ITPKC: variants seen among roughly 807,000 people sequenced by gnomAD.
ITPKC encodes the protein IP3 3-kinase C.
ITPKC carries 33 observed loss-of-function variants against 67.1 expected under a neutral mutation model. The observed-to-expected ratio is 0.49, with a 90% CI of 0.37 to 0.66. The LOEUF is 0.66. Among genes scored for constraint, ITPKC ranks in the 30% least tolerant of loss-of-function variants. The probability of loss-of-function intolerance (pLI) is 0.00; values close to 1 mark genes in which losing one functional copy is unlikely to be tolerated. For synonymous variants in ITPKC, 341 were observed against 359.8 expected (o/e 0.95, Z 0.59); for missense variants, 820 against 892.1 (o/e 0.92, Z 1.03).
chr19:40,737,145 T>C (rs1333662663), intron 5 of ITPKC, 58 bp downstream of exon 5: 2 of 1,153,234 alleles, frequency 1.7e-6, no homozygotes, highest in Non-Finnish European at 2.5e-6. Context: ...CCATTTATTC[T>C]TGCTCCAGAG....
chr19:40,718,326 C>T (rs774678432), intron 1 of ITPKC, 36 bp downstream of exon 1: 2 of 1,489,592 alleles, frequency 1.3e-6, no homozygotes, highest in Admixed American at 2.3e-5. Flanking sequence ...AGCCACATCA[C>T]GCAAAACTCC....
chr19:40,735,927 C>G, intron 4 of ITPKC, among the ~76,000 whole-genome samples: 1 of 152,238 alleles, frequency 6.6e-6, no homozygotes, highest in East Asian at 1.9e-4. Context: ...GACACCAACA[C>G]AATTCCCGTT....
In ITPKC at chr19:40,717,708, G is replaced by A; in HGVS notation, c.573G>A (p.Trp191Ter). Residue 191 changes from tryptophan (W) to a stop codon, truncating the protein, a stop_gained, in exon 1 of 7, where the codon TGG becomes TGA. Transcript: ENST00000263370. LOFTEE classifies it high-confidence loss of function. ...CTCAGCCAGAGAGGGTCAAGTCCTGGGCTGATAACCTCTGGACCCACCAGA... is the reference window on the plus strand; with the variant it reads ...CTCAGCCAGAGAGGGTCAAGTCCTGAGCTGATAACCTCTGGACCCACCAGA... Reference protein sequence around the residue: ...SQTQPERVKSWADNLWTHQNS... With the variant: ...SQTQPERVKS The A allele has an allele frequency of 6.2e-7, 1 of 1,614,038 alleles. No homozygotes were observed.
In ITPKC at chr19:40,718,236, G is replaced by A. The variant is rs1344344884; in HGVS notation, c.1101G>A (p.Glu367=). 1 of 1,529,964 alleles carries A rather than the reference G, an allele frequency of 6.5e-7. No homozygotes were observed. Among genetic ancestry groups the A allele is most frequent in the African/African-American group, 1.4e-5 (1 of 72,488 alleles). 94.8% of individuals were successfully genotyped at this position (1,529,964 alleles called of 1,614,324 possible). Residue 367 remains glutamate, a synonymous_variant, in exon 1 of 7, where the codon GAG becomes GAA. Coordinates refer to ENST00000263370, the MANE Select transcript of ITPKC (RefSeq NM_025194.3). ...FSSASSFDES[E]DDVVAGGGGA... ...CTGCCTCTTCTTTCGACGAGTCTGAGGATGACGTGGTGGCCGGGGGCGGAG... is the reference window on the plus strand; with the variant it reads ...CTGCCTCTTCTTTCGACGAGTCTGAAGATGACGTGGTGGCCGGGGGCGGAG...
At chr19:40,736,572 A>G (rs1265225861) in intron 4 of ITPKC, among the ~76,000 whole-genome samples, 2 of 152,000 alleles carry the variant, frequency 1.3e-5, no homozygotes, top group African/African-American at 2.4e-5. Context: ...GGTGCAATCA[A>G]TGCTCACTGC....
At chr19:40,720,450 A>G (rs2082216563) in intron 1 of ITPKC, among the ~76,000 whole-genome samples, 1 of 152,128 alleles carries the variant, frequency 6.6e-6, no homozygotes, top group South Asian at 2.1e-4. Context: ...GGCCACGTCA[A>G]GTCAGAGCCA....
intron 6 of ITPKC, 26 bp from the exon 7 acceptor site, chr19:40,739,331 T>G: frequency 6.3e-7 from 1 of 1,598,186 alleles, no homozygotes; most frequent in Non-Finnish European, 8.6e-7. Context: ...TGCTCCTCCC[T>G]TAACCTCCCG....
At chr19:40,734,416 CGA>C (rs2082285381) in intron 4 of ITPKC, among the ~76,000 whole-genome samples, 1 of 151,858 alleles carries the variant, frequency 6.6e-6, no homozygotes, top group African/African-American at 2.4e-5. Context: ...GGGAAATTTG[CGA>C]GAGATGACCA....
intron 1 of ITPKC, among the ~76,000 whole-genome samples, chr19:40,720,403 G>A (rs1050203651): frequency 6.6e-6 from 1 of 151,902 alleles, no homozygotes; most frequent in Admixed American, 6.6e-5. Context: ...TGGGGAAGCT[G>A]AGGCATAGAG....
chr19:40,737,193 C>CT lies in ITPKC; in HGVS notation c.1776+107dup, dbSNP rs1368680617. On this transcript the variant is annotated intron_variant, in intron 5 of 6. Transcript: ENST00000263370. ...TGCTTTGGGTGGGGCTGGACTGATA[C>CT]TGGCTGGCTTTGCTCAGTCTGAGGT... 2.5e-5 allele frequency: 20 copies of CT among 802,820 alleles called. No individual in the cohort carries two copies. The Admixed American group carries it at 4.2e-4, about 17-fold the overall frequency. The allele number at this position is 802,820 out of a possible 1,614,324, so 49.7% of individuals were successfully genotyped here.
In ITPKC at chr19:40,717,901, G is replaced by A. The variant is rs1185290187; in HGVS notation, c.766G>A (p.Glu256Lys). The change falls in exon 1 of 7, where the codon GAA (glutamate) becomes AAA (lysine). Residue 256 changes from glutamate to lysine, a missense_variant. Glu to Lys is a moderately conservative substitution (Grantham distance 56, BLOSUM62 1). Around this residue, in one of 2 missense-constraint regions of ITPKC, gnomAD observed 481 missense variants for 470.1 expected, o/e 1.02. Transcript: ENST00000263370. ...TGGCTCCCAGAAAAAACAGGATACT[G>A]AAGCAGCCAGGAAACAGCCTGGCAC... Reference protein sequence around the residue: ...TDGSQKKQDTEAARKQPGTGG... With the variant: ...TDGSQKKQDTKAARKQPGTGG... 2 of 1,614,156 alleles carry A rather than the reference G, an allele frequency of 1.2e-6. No homozygotes were observed. The highest frequency in any genetic ancestry group is 1.7e-6 in the Non-Finnish European group (2 of 1,180,016).
In ITPKC at chr19:40,740,343, C is replaced by T. The variant is rs2144761957; in HGVS notation, c.*783C>T. ...CGGCCTCAGGACTTACACCTCCTGCCTGACCCCCAGGCTTCTCTCTCCTTT... is the reference window on the plus strand; with the variant it reads ...CGGCCTCAGGACTTACACCTCCTGCTTGACCCCCAGGCTTCTCTCTCCTTT... On this transcript the variant is annotated 3_prime_UTR_variant, in exon 7 of 7. Transcript: ENST00000263370. 1 of 155,570 alleles carries T rather than the reference C, an allele frequency of 6.4e-6. No homozygotes were observed. The highest frequency in any genetic ancestry group is 1.8e-4 in the East Asian group (1 of 5,420). 9.6% of individuals were successfully genotyped at this position (155,570 alleles called of 1,614,324 possible).
intron 1 of ITPKC, among the ~76,000 whole-genome samples, chr19:40,718,519 C>T (rs187622859): frequency 8.9e-4 from 136 of 152,224 alleles, no homozygotes; most frequent in African/African-American, 3.2e-3. Context: ...GTCTCCACTC[C>T]TGGGGGTCTA....
rs549897663 is a variant in ITPKC at position 40,737,905 on chromosome 19, C to G, written c.1848+136C>G. On this transcript the variant is annotated intron_variant, in intron 6 of 6. Transcript: ENST00000263370. ...GTGGCCCGCACCTGTAATACCAGCACTTTGGGAGGCTGAGGTGGGAGGATT... is the reference window on the plus strand; with the variant it reads ...GTGGCCCGCACCTGTAATACCAGCAGTTTGGGAGGCTGAGGTGGGAGGATT... 10 of 592,476 alleles carry G rather than the reference C, an allele frequency of 1.7e-5. No homozygotes were observed. In the East Asian group the frequency reaches 3.3e-4, roughly 20 times the overall value. 36.7% of individuals were successfully genotyped at this position (592,476 alleles called of 1,614,324 possible).
chr19:40,739,820 G>A lies in ITPKC; in HGVS notation c.*260G>A, dbSNP rs564020782. On this transcript the variant is annotated 3_prime_UTR_variant, in exon 7 of 7. Coordinates refer to ENST00000263370, the MANE Select transcript of ITPKC (RefSeq NM_025194.3). ...GGCAGTGAGTCAGAAAAACCAGAAC[G>A]GGGTCCCCGGATCTGCCGGGAAGGC... 28 of 532,560 alleles carry A rather than the reference G, an allele frequency of 5.3e-5. No individual in the cohort carries two copies. In the South Asian group the frequency reaches 6.0e-4, roughly 11 times the overall value. 33.0% of individuals were successfully genotyped at this position (532,560 alleles called of 1,614,324 possible).
At chr19:40,735,557 C>T (rs2082290673) in intron 4 of ITPKC, among the ~76,000 whole-genome samples, 1 of 152,076 alleles carries the variant, frequency 6.6e-6, no homozygotes, top group Non-Finnish European at 1.5e-5. Flanking sequence ...TTTTCTGTCT[C>T]CTTTCAAATT....
intron 6 of ITPKC, among the ~76,000 whole-genome samples, 186 bp downstream of exon 6, chr19:40,737,955 C>T (rs1043429905): frequency 1.4e-5 from 2 of 147,694 alleles, no homozygotes; most frequent in African/African-American, 5.0e-5. Flanking sequence ...GTGCCAAGAC[C>T]AGCCTGGGAA....
intron 2 of ITPKC, among the ~76,000 whole-genome samples, chr19:40,728,789 A>G (rs1254079703): frequency 1.3e-5 from 2 of 152,156 alleles, no homozygotes; most frequent in Non-Finnish European, 2.9e-5. Context: ...GCACTTTGGG[A>G]GGCCAAGGCG....
At position 40,733,237 on chromosome 19, in the gene ITPKC, C is replaced by T. The variant is rs779282020; in HGVS notation, c.1547C>T (p.Ala516Val). ...PRKDMYEKMV[A>V]VDPGAPTPEE... ...AAGGACATGTATGAGAAGATGGTGG[C>T]TGTGGACCCTGGGGCCCCTACCCCT... The change falls in exon 4 of 7, where the codon GCT becomes GTT. Residue 516 changes from alanine to valine, a missense_variant. By Grantham distance (64) the Ala-to-Val change is moderately conservative. Coordinates refer to ENST00000263370, the MANE Select transcript of ITPKC (RefSeq NM_025194.3). The T allele has an allele frequency of 2.5e-6, 4 of 1,614,114 alleles. No individual in the cohort carries two copies. In the East Asian group the frequency reaches 8.9e-5, roughly 36 times the overall value.
Sources: gnomAD v4.1 joint callset for allele counts (sites outside exome capture counted in the v4.1 genomes callset) on GRCh38, gnomAD v4.1.1 for gene constraint, gnomAD v4.1.1 regional missense constraint, MANE v1.5 for transcripts, NCBI Gene and HGNC (gene_info 2026-07-23, HGNC 2026-07-21) for gene names.